The following CPM variants were observed in gnomAD, a reference collection of about 807,000 sequenced individuals.
The protein encoded by CPM is carboxypeptidase M.
Under a neutral mutation model 46.4 loss-of-function variants are expected in CPM, and 35 were observed. The ratio of observed to expected loss-of-function variants is 0.75; its 90% CI spans 0.58 to 1.00. The LOEUF (loss-of-function observed/expected upper bound fraction) is 1.00. Among genes scored for constraint, CPM ranks in the 50% least tolerant of loss-of-function variants. The pLI, the probability that CPM is intolerant of heterozygous loss-of-function variation, is 0.00. For missense variants in CPM, 422 were observed against 530.4 expected (o/e 0.80, Z 2.01); for synonymous variants, 195 against 195.3 (o/e 1.00, Z 0.01).
chr12:68,881,540 G>A (rs939199590), intron 3 of CPM, among the ~76,000 whole-genome samples: 1 of 149,144 alleles, frequency 6.7e-6, no homozygotes, highest in African/African-American at 2.5e-5. Flanking sequence ...GTACAAAAAG[G>A]TAGCTAGTAT....
At chr12:68,861,912 A>C (rs1335816628) in intron 7 of CPM, among the ~76,000 whole-genome samples, 1 of 16,122 alleles carries the variant, frequency 6.2e-5, no homozygotes, top group Non-Finnish European at 1.2e-4. Context: ...GAAGACACCA[A>C]AAAAAAAAAA....
intron 1 of CPM, among the ~76,000 whole-genome samples, chr12:68,946,807 G>C (rs989575824): frequency 6.6e-6 from 1 of 152,146 alleles, no homozygotes; most frequent in African/African-American, 2.4e-5. Flanking sequence ...CCAAATTACA[G>C]AGAAATAAGG....
At chr12:68,935,465 AT>A (rs1353477175), upstream of CPM, among the ~76,000 whole-genome samples, 1 of 151,526 alleles carries the variant, frequency 6.6e-6, no homozygotes, top group Non-Finnish European at 1.5e-5. Context: ...TAACTTCTGC[AT>A]TTTTAATAGA....
At chr12:68,961,643 G>C (rs1328899248) in intron 1 of CPM, among the ~76,000 whole-genome samples, 1 of 152,072 alleles carries the variant, frequency 6.6e-6, no homozygotes, top group African/African-American at 2.4e-5. Flanking sequence ...GCCAGGCATG[G>C]TGGCTCGCAC....
chr12:68,914,598 G>A lies in CPM; in HGVS notation c.160+18080C>T, dbSNP rs118005408. ...AAATTATGTTTAAATCTAGATGTCT[G>A]TTCCTTCATACTCTGGCAGTTTTCT... On this transcript the variant is annotated intron_variant, in intron 2 of 8. Transcript: ENST00000551568. 1.7e-4 allele frequency among the ~76,000 whole-genome samples: 26 copies of A among 152,304 alleles called. No individual in the cohort carries two copies. In the East Asian group the frequency reaches 3.5e-3, roughly 20 times the overall value.
At chr12:68,913,970 A>G in intron 2 of CPM, 2 of 719,752 alleles carry the variant, frequency 2.8e-6, no homozygotes, top group East Asian at 2.6e-5. Context: ...TTTGTGTTTG[A>G]TGCAGCTACA....
At chr12:68,947,807 G>A (rs1393311114) in intron 1 of CPM, among the ~76,000 whole-genome samples, 1 of 151,758 alleles carries the variant, frequency 6.6e-6, no homozygotes, top group Non-Finnish European at 1.5e-5. Context: ...ACCATGGCCA[G>A]CTTTTTTAAA....
At chr12:68,867,920 GT>G (rs760809225) in intron 6 of CPM, among the ~76,000 whole-genome samples, 1 of 152,238 alleles carries the variant, frequency 6.6e-6, no homozygotes, top group Non-Finnish European at 1.5e-5. Flanking sequence ...GGAGGGGGCA[GT>G]TCTGGATAAG....
At chr12:68,870,798 G>A (rs924768858) in intron 4 of CPM, among the ~76,000 whole-genome samples, 1 of 152,240 alleles carries the variant, frequency 6.6e-6, no homozygotes, top group Non-Finnish European at 1.5e-5. Flanking sequence ...GGCACGGACA[G>A]TAGCCATCCC....
chr12:68,912,582 G>T (rs138794165), intron 2 of CPM, among the ~76,000 whole-genome samples: 1 of 152,208 alleles, frequency 6.6e-6, no homozygotes, highest in African/African-American at 2.4e-5. Flanking sequence ...CTCCTTGTTG[G>T]TCACTTATGA....
chr12:68,928,277 T>A (rs1020976188), intron 2 of CPM, among the ~76,000 whole-genome samples: 3 of 152,202 alleles, frequency 2.0e-5, no homozygotes, highest in African/African-American at 7.2e-5. Context: ...GGGAAAGGAT[T>A]CCCTATTCAA....
At chr12:68,946,382 TG>T (rs1198740724) in intron 1 of CPM, among the ~76,000 whole-genome samples, 4 of 152,242 alleles carry the variant, frequency 2.6e-5, no homozygotes, top group African/African-American at 4.8e-5. Context: ...CTTTGCTGGA[TG>T]TTTTTTTAAT....
intron 1 of CPM, among the ~76,000 whole-genome samples, chr12:68,941,786 A>G (rs1888765780): frequency 6.6e-6 from 1 of 152,172 alleles, no homozygotes; most frequent in Non-Finnish European, 1.5e-5. Context: ...CTCCCCCAGT[A>G]CTAAACCTAC....
At chr12:68,917,177 G>A (rs1440757336) in intron 2 of CPM, among the ~76,000 whole-genome samples, 2 of 151,688 alleles carry the variant, frequency 1.3e-5, no homozygotes, top group Non-Finnish European at 2.9e-5. Flanking sequence ...CCAGGCCTTT[G>A]AACGTGCTAT....
intron 2 of CPM, among the ~76,000 whole-genome samples, chr12:68,919,772 C>T (rs756600184): frequency 1.3e-5 from 2 of 152,238 alleles, no homozygotes; most frequent in Admixed American, 1.3e-4. Flanking sequence ...ATCTCTACCA[C>T]ACTAAGATTA....
intron 2 of CPM, among the ~76,000 whole-genome samples, chr12:68,901,701 C>A (rs1178886741): frequency 6.6e-6 from 1 of 152,162 alleles, no homozygotes; most frequent in Non-Finnish European, 1.5e-5. Flanking sequence ...GAGTGTTGGG[C>A]AAGTTTAATC....
chr12:68,872,503 T>TTGAGGTTGGTGGGATTA (rs1885751540), intron 3 of CPM, among the ~76,000 whole-genome samples: 1 of 152,144 alleles, frequency 6.6e-6, no homozygotes, highest in Non-Finnish European at 1.5e-5. Context: ...TCCACCTGCC[T>TTGAGGTTGGTGGGATTA]CAGACACCCA....
intron 2 of CPM, among the ~76,000 whole-genome samples, chr12:68,917,913 A>C (rs1226970476): frequency 6.6e-6 from 1 of 152,138 alleles, no homozygotes; most frequent in African/African-American, 2.4e-5. Flanking sequence ...ATTCCTGAGA[A>C]ACATGTGGAA....
chr12:68,955,999 C>T (rs895496264), intron 1 of CPM, among the ~76,000 whole-genome samples: 4 of 152,098 alleles, frequency 2.6e-5, no homozygotes, highest in Admixed American at 2.0e-4. Context: ...CACCCAGGAG[C>T]CTGTCTGCCT....
Sources: allele counts gnomAD v4.1 joint callset (sites outside exome capture counted in the v4.1 genomes callset), GRCh38; gene constraint gnomAD v4.1.1; transcripts MANE v1.5; gene names NCBI Gene and HGNC (gene_info 2026-07-23, HGNC 2026-07-21).